The following WRN variants were observed in gnomAD, a reference collection of about 807,000 sequenced individuals.
WRN encodes bifunctional 3'-5' exonuclease/ATP-dependent helicase WRN.
In WRN, 149 loss-of-function variants were observed where a neutral mutation model predicts 180.7. The observed-to-expected ratio is 0.82, with a 90% CI of 0.72 to 0.94. The LOEUF (loss-of-function observed/expected upper bound fraction) is 0.94, where lower values mean the gene tolerates loss of function less well. WRN is among the 40% of genes least tolerant of loss of function. The pLI, the probability that WRN is intolerant of heterozygous loss-of-function variation, is 0.00. For missense variants in WRN, 1,661 were observed against 1,700.1 expected (o/e 0.98, Z 0.40); for synonymous variants, 548 against 568.9 (o/e 0.96, Z 0.52).
At chr8:31,085,269 A>C (rs1813485432) in intron 11 of WRN, 23 bp downstream of exon 11, 9 of 1,611,842 alleles carry the variant, frequency 5.6e-6, no homozygotes, top group Non-Finnish European at 6.8e-6. Flanking sequence ...TTATAAAAAC[A>C]TTACTTCAAG....
intron 13 of WRN, 68 bp downstream of exon 13, chr8:31,089,033 TA>T (rs1392292859): frequency 4.8e-5 from 67 of 1,409,468 alleles, no homozygotes; most frequent in Non-Finnish European, 6.3e-5. Context: ...AAAAGGCAAA[TA>T]ACCTGTCTGC....
rs149071983 is a variant in WRN, at chr8:31,147,404, A to G, written c.3500A>G (p.His1167Arg). 5 of 1,614,000 alleles carry G rather than the reference A, an allele frequency of 3.1e-6. No individual in the cohort carries two copies. The African/African-American group carries it at 6.7e-5, about 22-fold the overall frequency. ...YGKLVEARQKHANKMDVPPAI... is the reference protein window; with the variant it reads ...YGKLVEARQKRANKMDVPPAI... ...AAATTGGTAGAAGCTAGGCAGAAAC[A>G]TGCCAATAAAATGGATGTTCCCCCA... Residue 1167 changes from histidine to arginine, a missense_variant, in exon 30 of 35, where the codon CAT becomes CGT. Around this residue, in one of 3 missense-constraint regions of WRN, gnomAD observed 1,141 missense variants for 1,149.4 expected, o/e 0.99. Transcript: ENST00000298139.
intron 1 of WRN, among the ~76,000 whole-genome samples, chr8:31,037,385 C>T (rs1811490384): frequency 6.6e-6 from 1 of 152,232 alleles, no homozygotes; most frequent in Non-Finnish European, 1.5e-5. Context: ...CTGCTGCTCA[C>T]CTACTGCTTT....
Position 31,141,411 on chromosome 8 carries a change from A to T in WRN, c.2968-19A>T. On this transcript the variant is annotated intron_variant, in intron 24 of 34. Coordinates refer to ENST00000298139, the MANE Select transcript of WRN (RefSeq NM_000553.6). ...TTTAAATTAGCATTTTTAGATACTG[A>T]TTTTATTCCTAATTTCAGAATTCTC... The T allele has an allele frequency of 6.2e-7, 1 of 1,613,782 alleles. No individual in the cohort carries two copies. Among genetic ancestry groups the T allele is most frequent in the Non-Finnish European group, 8.5e-7 (1 of 1,179,972 alleles).
intron 16 of WRN, among the ~76,000 whole-genome samples, chr8:31,095,909 G>A (rs568202189): frequency 6.6e-5 from 10 of 152,236 alleles, no homozygotes; most frequent in African/African-American, 2.2e-4. Flanking sequence ...CAACCCATAT[G>A]CCTGCTGGGA....
chr8:31,099,228 C>T (rs1362157077), intron 17 of WRN, among the ~76,000 whole-genome samples: 3 of 151,938 alleles, frequency 2.0e-5, no homozygotes, highest in Non-Finnish European at 4.4e-5. Flanking sequence ...GAAACCCTGT[C>T]TCTACTAAAA....
At position 31,128,814 on chromosome 8, in the gene WRN, G is replaced by A. The variant is rs1191370375; in HGVS notation, c.2826-3551G>A. 6.6e-5 allele frequency among the ~76,000 whole-genome samples: 10 copies of A among 152,152 alleles called. No individual in the cohort carries two copies. The South Asian group carries it at 8.3e-4, about 13-fold the overall frequency. On this transcript the variant is annotated intron_variant, in intron 23 of 34. Transcript: ENST00000298139. ...GCGGAGCTTGCAGTGAGCCGAGATC[G>A]CGCCACTGCACTCCAGCCTGGGCAA...
rs923370255 is a variant in WRN, at chr8:31,154,673, T to C, written c.3737T>C (p.Leu1246Pro). The change falls in exon 32 of 35, where the codon CTG (leucine) becomes CCG (proline). Residue 1246 changes from leucine (L) to proline (P), a missense_variant. Leu to Pro is a moderately conservative substitution (Grantham distance 98). This residue lies in a region of WRN where 1,141 missense variants were observed against 1,149.4 expected (regional missense o/e 0.99). Transcript: ENST00000298139. ...TKPQEEQKTS[L>P]VAKNKICTLS... The stretch of plus-strand genomic sequence containing the variant: ...CCTCAAGAAGAACAGAAGACGAGTC[T>C]GGTAGCAAAAAATAAAATATGCACA... 1 of 1,613,618 alleles carries C rather than the reference T, an allele frequency of 6.2e-7. No individual in the cohort carries two copies. The highest frequency in any genetic ancestry group is 1.1e-5 in the South Asian group (1 of 91,078).
intron 33 of WRN, among the ~76,000 whole-genome samples, chr8:31,163,522 T>G (rs1803718510): frequency 1.3e-5 from 2 of 152,220 alleles, no homozygotes; most frequent in South Asian, 4.1e-4. Flanking sequence ...CCAATTAACT[T>G]AAAAGAAAGA....
rs1272477601 is a variant in WRN at position 31,149,477 on chromosome 8, T to G, written c.3573-864T>G. Among the ~76,000 whole-genome samples the G allele has an allele frequency of 7.1e-3, 689 of 96,868 alleles. 43 individuals are homozygous for G. Among genetic ancestry groups the G allele is most frequent in the Non-Finnish European group, 0.011 (501 of 45,436 alleles). The allele number at this position is 96,868 out of a possible 152,430, so 63.5% of individuals were successfully genotyped here. On this transcript the variant is annotated intron_variant, in intron 30 of 34. Transcript: ENST00000298139. Reference sequence around the variant, plus strand: ...GGTGTTTTTTTTTTTTTTTTTTTTTTTTTTTTTTTTTTTTGGTGATAGAGT... The same window carrying G: ...GGTGTTTTTTTTTTTTTTTTTTTTTGTTTTTTTTTTTTTTGGTGATAGAGT...
intron 33 of WRN, among the ~76,000 whole-genome samples, chr8:31,163,582 C>T (rs1251574848): frequency 6.6e-6 from 1 of 152,050 alleles, no homozygotes; most frequent in East Asian, 1.9e-4. Flanking sequence ...TAAACTCTAA[C>T]TTGATGAGTG....
intron 16 of WRN, 112 bp downstream of exon 16, chr8:31,092,010 A>G: frequency 1.0e-6 from 1 of 963,496 alleles, no homozygotes; most frequent in Non-Finnish European, 1.6e-6. Context: ...AATTTATGTC[A>G]TTTCTAATCA....
chr8:31,087,624 C>T (rs946151222), intron 11 of WRN, 152 bp from the exon 12 acceptor site: 21 of 700,134 alleles, frequency 3.0e-5, no homozygotes, highest in East Asian at 1.4e-4. Context: ...ATATTTAAAC[C>T]GGAGCACACA....
At position 31,120,202 on chromosome 8, in the gene WRN, G is replaced by A. The variant is rs1342017185; in HGVS notation, c.2449-41G>A. The A allele has an allele frequency of 5.0e-6, 8 of 1,609,592 alleles. No individual in the cohort carries two copies. The African/African-American group carries it at 5.4e-5, about 11-fold the overall frequency. ...GGTATAAATGTAAGGTTTTCATTCT[G>A]CTAAATATGTTTGTCAAACTGTGTT... is the stretch of plus-strand genomic sequence containing the variant. On this transcript the variant is annotated intron_variant, in intron 20 of 34. Coordinates refer to ENST00000298139, the MANE Select transcript of WRN (RefSeq NM_000553.6).
chr8:31,064,202 G>A lies in WRN; in HGVS notation c.210-87G>A, dbSNP rs1585408076. On this transcript the variant is annotated intron_variant, in intron 3 of 34. Transcript: ENST00000298139. ...CAGATAACTTGAACAGTCTGTGGTT[G>A]CCTTTTAATTTTTGAATTATGTCTT... The A allele has an allele frequency of 7.4e-6, 11 of 1,483,584 alleles. No homozygotes were observed. In the East Asian group the frequency reaches 2.1e-4, roughly 29 times the overall value. 91.9% of individuals were successfully genotyped at this position (1,483,584 alleles called of 1,614,324 possible). A position where few individuals can be genotyped will look rare whatever the true frequency, so the allele number is the denominator to read the frequency against.
chr8:31,141,762 TTG>T lies in WRN; in HGVS notation c.3221_3222del (p.Leu1074SerfsTer4). 1.2e-6 allele frequency: 2 copies of T among 1,614,012 alleles called. No homozygotes were observed. Among genetic ancestry groups the T allele is most frequent in the Non-Finnish European group, 1.7e-6 (2 of 1,179,998 alleles). ...TAATGAAGAATTGTGTCCAAAGAAG[TTG>T]CTTCTGCCTAGGTTCATTTTTCAGT... ...QANEELCPKKLLLPSSKTVSS... is the reference protein window; with the variant it reads ...QANEELCPKKXLLPSSKTVSS... On this transcript the variant is annotated frameshift_variant, in exon 26 of 35. Coordinates refer to ENST00000298139, the MANE Select transcript of WRN (RefSeq NM_000553.6). LOFTEE classifies it high-confidence loss of function.
chr8:31,050,181 A>G (rs1049850167), intron 1 of WRN, among the ~76,000 whole-genome samples: 3 of 152,178 alleles, frequency 2.0e-5, no homozygotes, highest in African/African-American at 7.2e-5. Context: ...ATTGGTTCAG[A>G]GAGATGCAAA....
intron 24 of WRN, among the ~76,000 whole-genome samples, chr8:31,140,516 G>A (rs768236004): frequency 5.6e-4 from 85 of 152,138 alleles, no homozygotes; most frequent in Non-Finnish European, 1.1e-3. Flanking sequence ...TGTGAAGAGC[G>A]TCCCGTAGGA....
intron 21 of WRN, among the ~76,000 whole-genome samples, chr8:31,122,553 C>CT (rs1403696833): frequency 1.3e-5 from 2 of 151,900 alleles, no homozygotes; most frequent in African/African-American, 4.8e-5. Flanking sequence ...TTATTGTAAT[C>CT]TTTTTTTAAC....
Sources: allele counts gnomAD v4.1 joint callset (sites outside exome capture counted in the v4.1 genomes callset), GRCh38; gene constraint gnomAD v4.1.1; regional missense constraint gnomAD v4.1.1; transcripts MANE v1.5; gene names NCBI Gene and HGNC (gene_info 2026-07-23, HGNC 2026-07-21).